Variants in KCNN2 observed in about 807,000 individuals in gnomAD.
The protein encoded by KCNN2 is small conductance calcium-activated potassium channel protein 2.
A neutral mutation model predicts 55.5 loss-of-function variants in KCNN2; 24 were observed. The ratio of observed to expected loss-of-function variants is 0.43; its 90% confidence interval spans 0.31 to 0.61. The LOEUF (loss-of-function observed/expected upper bound fraction) is 0.61. Among genes scored for constraint, KCNN2 ranks in the 20% least tolerant of loss-of-function variants. KCNN2 has a pLI of 0.08. For missense variants in KCNN2, 754 were observed against 853.6 expected, an observed-to-expected ratio of 0.88 and a Z score of 1.45; for synonymous variants, 431 against 336.1, an observed-to-expected ratio of 1.28 and a Z score of -3.09.
intron 1 of KCNN2, among the ~76,000 whole-genome samples, chr5:114,181,584 A>G (rs1004427455): frequency 6.6e-6 from 1 of 152,180 alleles, no homozygotes; most frequent in Non-Finnish European, 1.5e-5. Flanking sequence ...TTTAAATTTT[A>G]ATAAAGTCTA....
intron 1 of KCNN2, among the ~76,000 whole-genome samples, chr5:114,082,403 C>G (rs764838053): frequency 6.6e-6 from 1 of 151,542 alleles, no homozygotes; most frequent in African/African-American, 2.4e-5. Flanking sequence ...GGGTATATTA[C>G]CTGAAACCCA....
intron 2 of KCNN2, among the ~76,000 whole-genome samples, chr5:114,314,234 T>A (rs1756456826): frequency 6.6e-6 from 1 of 152,134 alleles, no homozygotes; most frequent in South Asian, 2.1e-4. Context: ...AGAGTTCCTA[T>A]ATATCACTTC....
intron 2 of KCNN2, among the ~76,000 whole-genome samples, chr5:114,336,280 T>G (rs928197425): frequency 1.3e-5 from 2 of 152,140 alleles, no homozygotes; most frequent in African/African-American, 4.8e-5. Flanking sequence ...ACATAGGAAA[T>G]TATTATAAAC....
chr5:114,168,166 G>GATATATAT (rs140274096), intron 1 of KCNN2, among the ~76,000 whole-genome samples: 1 of 139,568 alleles, frequency 7.2e-6, no homozygotes, highest in African/African-American at 2.6e-5. Flanking sequence ...TATATATGTG[G>GATATATAT]ATATATATAC....
intron 1 of KCNN2, among the ~76,000 whole-genome samples, chr5:114,132,197 T>C (rs899063048): frequency 7.2e-5 from 11 of 152,188 alleles, no homozygotes; most frequent in Admixed American, 4.6e-4. Flanking sequence ...TGTCATGAAA[T>C]CTTTGATCAT....
At chr5:114,216,297 G>A (rs1202660953) in intron 1 of KCNN2, among the ~76,000 whole-genome samples, 2 of 152,146 alleles carry the variant, frequency 1.3e-5, no homozygotes, top group Non-Finnish European at 2.9e-5. Flanking sequence ...TAACGTAGAA[G>A]ATAATTGACA....
chr5:114,294,711 G>A (rs577081051), intron 2 of KCNN2, among the ~76,000 whole-genome samples: 11 of 152,126 alleles, frequency 7.2e-5, no homozygotes, highest in South Asian at 2.1e-4. Context: ...TATTAGGTCC[G>A]CTTGGTGCAG....
intron 5 of KCNN2, among the ~76,000 whole-genome samples, chr5:114,481,140 C>T (rs748620772): frequency 6.6e-6 from 1 of 152,192 alleles, no homozygotes; most frequent in Non-Finnish European, 1.5e-5. Flanking sequence ...TGATAAGCAA[C>T]TTCAGCAAAG....
intron 2 of KCNN2, among the ~76,000 whole-genome samples, chr5:114,382,549 T>C (rs1468745781): frequency 1.3e-5 from 2 of 152,224 alleles, no homozygotes; most frequent in African/African-American, 4.8e-5. Context: ...GAGATGCAAG[T>C]AACTCTGCTT....
At chr5:114,157,047 C>G (rs1477532178) in intron 1 of KCNN2, among the ~76,000 whole-genome samples, 1 of 151,608 alleles carries the variant, frequency 6.6e-6, no homozygotes, top group East Asian at 1.9e-4. Flanking sequence ...GGTACATGTG[C>G]ACAATGTGCA....
At chr5:114,327,632 G>A (rs1336480971) in intron 2 of KCNN2, among the ~76,000 whole-genome samples, 1 of 152,192 alleles carries the variant, frequency 6.6e-6, no homozygotes, top group Non-Finnish European at 1.5e-5. Context: ...TACATTTGTA[G>A]AATGAAAGGA....
intron 3 of KCNN2, among the ~76,000 whole-genome samples, chr5:114,447,466 T>C (rs1007449555): frequency 1.4e-4 from 21 of 152,266 alleles, no homozygotes; most frequent in African/African-American, 4.6e-4. Context: ...AGAGGTAGAA[T>C]TTAAGAAGAT....
intron 3 of KCNN2, among the ~76,000 whole-genome samples, chr5:114,408,935 A>T (rs1411298034): frequency 6.6e-6 from 1 of 152,218 alleles, no homozygotes; most frequent in African/African-American, 2.4e-5. Context: ...TAAAGAGGCA[A>T]TAAAAGGTGA....
intron 3 of KCNN2, among the ~76,000 whole-genome samples, chr5:114,420,170 G>A (rs1239341130): frequency 6.6e-6 from 1 of 152,250 alleles, no homozygotes; most frequent in Non-Finnish European, 1.5e-5. Context: ...GGAGGAGCAG[G>A]TCTTGGGATG....
At chr5:114,474,290 C>A (rs1331981006) in intron 5 of KCNN2, among the ~76,000 whole-genome samples, 2 of 152,080 alleles carry the variant, frequency 1.3e-5, no homozygotes, top group Non-Finnish European at 2.9e-5. Context: ...ATTGCTATTG[C>A]CTGCTCATGC....
intron 2 of KCNN2, among the ~76,000 whole-genome samples, chr5:114,323,648 A>G (rs1243976097): frequency 8.6e-5 from 3 of 34,870 alleles, no homozygotes; most frequent in African/African-American, 3.2e-4. Context: ...TAAACATATC[A>G]ATTTTTTTTT....
chr5:114,397,652 T>C (rs1383534871), intron 2 of KCNN2, among the ~76,000 whole-genome samples: 5 of 152,186 alleles, frequency 3.3e-5, no homozygotes, highest in Non-Finnish European at 4.4e-5. Context: ...CCACCCAAAG[T>C]GCTGGGATTA....
intron 2 of KCNN2, among the ~76,000 whole-genome samples, chr5:114,337,907 A>G (rs540907514): frequency 1.3e-5 from 2 of 152,298 alleles, no homozygotes; most frequent in South Asian, 4.1e-4. Flanking sequence ...CCATAATGCT[A>G]TATGTCTGGA....
chr5:114,134,539 G>A (rs896016038), intron 1 of KCNN2, among the ~76,000 whole-genome samples: 52 of 150,650 alleles, frequency 3.5e-4, no homozygotes, highest in African/African-American at 1.2e-3. Context: ...GCAGTGGTGC[G>A]ATCTCAGCTC....
Sources: allele counts gnomAD v4.1 joint callset (sites outside exome capture counted in the v4.1 genomes callset), GRCh38; gene constraint gnomAD v4.1.1; transcripts MANE v1.5; gene names NCBI Gene and HGNC (gene_info 2026-07-23, HGNC 2026-07-21).